The following CTNNA1 variants were observed in gnomAD, a reference collection of about 807,000 sequenced individuals.
CTNNA1 encodes catenin alpha-1.
A neutral mutation model predicts 98.4 loss-of-function variants in CTNNA1; 37 were observed. The ratio of observed to expected loss-of-function variants is 0.38; its 90% confidence interval spans 0.29 to 0.49. The LOEUF is 0.49. CTNNA1 is among the 20% of genes least tolerant of loss of function. The pLI, the probability that CTNNA1 is intolerant of heterozygous loss-of-function variation, is 0.95. For synonymous variants in CTNNA1, 404 were observed against 413.2 expected (o/e 0.98, Z 0.27); for missense variants, 761 against 1,147.2 (o/e 0.66, Z 4.86).
chr5:138,792,021 C>T (rs1459548335), intron 3 of CTNNA1, among the ~76,000 whole-genome samples: 1 of 151,820 alleles, frequency 6.6e-6, no homozygotes, highest in African/African-American at 2.4e-5. Flanking sequence ...TCTCTTAGGG[C>T]ATTGTTATAA....
At chr5:138,821,436 TA>T (rs201303442) in intron 5 of CTNNA1, among the ~76,000 whole-genome samples, 1 of 152,264 alleles carries the variant, frequency 6.6e-6, no homozygotes, top group Non-Finnish European at 1.5e-5. Context: ...CTTTTGTGAT[TA>T]TTTTTTTCTG....
chr5:138,892,233 T>C (rs975706739), intron 9 of CTNNA1, among the ~76,000 whole-genome samples: 2 of 151,560 alleles, frequency 1.3e-5, no homozygotes. Context: ...CTGAGACCTA[T>C]CTCAGATATT....
intron 7 of CTNNA1, among the ~76,000 whole-genome samples, chr5:138,852,871 G>GCGCGCGCACACACGCGCGCGCGCA (rs869240008): frequency 3.4e-4 from 52 of 151,358 alleles, no homozygotes; most frequent in African/African-American, 1.2e-3. Context: ...GCGCGCGCGC[G>GCGCGCGCACACACGCGCGCGCGCA]CACACACACA....
At chr5:138,826,832 C>T (rs901922281) in intron 6 of CTNNA1, among the ~76,000 whole-genome samples, 4 of 152,224 alleles carry the variant, frequency 2.6e-5, no homozygotes, top group Non-Finnish European at 5.9e-5. Flanking sequence ...AAGTCTTGCT[C>T]TGTTACCCAG....
At chr5:138,876,831 A>G (rs1263253751) in intron 7 of CTNNA1, among the ~76,000 whole-genome samples, 1 of 152,214 alleles carries the variant, frequency 6.6e-6, no homozygotes, top group Non-Finnish European at 1.5e-5. Context: ...TAAAGGTGCT[A>G]TGAAAACTGC....
At chr5:138,894,973 T>C (rs1756445307) in intron 9 of CTNNA1, among the ~76,000 whole-genome samples, 1 of 152,214 alleles carries the variant, frequency 6.6e-6, no homozygotes, top group Non-Finnish European at 1.5e-5. Flanking sequence ...CTAGCAGTCA[T>C]TTTTTCATTC....
chr5:138,917,925 A>G, intron 11 of CTNNA1, 27 bp downstream of exon 11: 1 of 1,607,254 alleles, frequency 6.2e-7, no homozygotes, highest in Middle Eastern at 1.7e-4. Context: ...CCAGAGAAGT[A>G]TGTGAAGATG....
At chr5:138,855,193 C>T (rs1441766700) in intron 7 of CTNNA1, among the ~76,000 whole-genome samples, 1 of 151,976 alleles carries the variant, frequency 6.6e-6, no homozygotes, top group Non-Finnish European at 1.5e-5. Flanking sequence ...TGCCTGCCAG[C>T]ACGCCCAGCT....
Position 138,783,360 on chromosome 5 carries a change from G to T in CTNNA1, c.289G>T (p.Val97Phe). Residue 97 changes from valine to phenylalanine, a missense_variant, in exon 3 of 18, where the codon GTT becomes TTT. Transcript: ENST00000302763. ...KEELVAAVED[V>F]RKQGDLMKAA... ...GGAGCTTGTGGCTGCTGTAGAAGAT[G>T]TTCGAAAACAAGGTAGGTCATTACT... The T allele has an allele frequency of 6.2e-7, 1 of 1,613,176 alleles. No homozygotes were observed. The highest frequency in any genetic ancestry group is 2.2e-5 in the East Asian group (1 of 44,864).
At chr5:138,925,056 C>T (rs1247616157) in intron 12 of CTNNA1, among the ~76,000 whole-genome samples, 200 bp from the exon 13 acceptor site, 1 of 152,252 alleles carries the variant, frequency 6.6e-6, no homozygotes, top group African/African-American at 2.4e-5. Flanking sequence ...ACCATCCAAT[C>T]TCTGTTGCAG....
chr5:138,833,095 A>G (rs574807335), intron 7 of CTNNA1, among the ~76,000 whole-genome samples: 21 of 152,350 alleles, frequency 1.4e-4, no homozygotes, highest in African/African-American at 2.4e-4. Context: ...TGACTCCTCA[A>G]TGAACAAATA....
chr5:138,778,560 A>G (rs1408951843), intron 1 of CTNNA1, among the ~76,000 whole-genome samples: 1 of 152,198 alleles, frequency 6.6e-6, no homozygotes, highest in Non-Finnish European at 1.5e-5. Context: ...TCTGTCATAA[A>G]TAAATAATCT....
chr5:138,824,881 C>A (rs2149777103), intron 6 of CTNNA1, 82 bp downstream of exon 6: 2 of 1,313,198 alleles, frequency 1.5e-6, no homozygotes, highest in Non-Finnish European at 1.1e-6. Flanking sequence ...GTGATCAAGG[C>A]TTCTGATGAT....
chr5:138,808,018 T>C (rs1758277915), intron 3 of CTNNA1, among the ~76,000 whole-genome samples: 1 of 152,174 alleles, frequency 6.6e-6, no homozygotes. Flanking sequence ...CCCAAAGTGC[T>C]GGGATTACAG....
At chr5:138,757,033 T>TA (rs879499200) in intron 1 of CTNNA1, among the ~76,000 whole-genome samples, 320 of 142,552 alleles carry the variant, frequency 2.2e-3, no homozygotes, top group South Asian at 3.4e-3. Flanking sequence ...ACCCCGCCTC[T>TA]AAAAAAAAAA....
At chr5:138,931,010 G>A in intron 16 of CTNNA1, 75 bp downstream of exon 16, 1 of 941,872 alleles carries the variant, frequency 1.1e-6, no homozygotes, top group South Asian at 1.3e-5. Flanking sequence ...TCCATTCAGG[G>A]TAAGTTTCAT....
rs1752564935 is a variant in CTNNA1, at chr5:138,763,278, A to C, written c.-3+9768A>C. 3.3e-5 allele frequency among the ~76,000 whole-genome samples: 5 copies of C among 152,242 alleles called. No homozygotes were observed. In the South Asian group the frequency reaches 1.0e-3, roughly 31 times the overall value. On this transcript the variant is annotated intron_variant, in intron 1 of 17. Transcript: ENST00000302763. ...ATTCACTATGGCCCATTTCAAGTTA[A>C]TTGAAGGATTGAGCCTTTGATAGTG...
chr5:138,866,647 T>C (rs1428517772), intron 7 of CTNNA1, among the ~76,000 whole-genome samples: 1 of 152,132 alleles, frequency 6.6e-6, no homozygotes, highest in East Asian at 1.9e-4. Context: ...TCAGCCTCCA[T>C]ATATAGAGGG....
chr5:138,857,918 T>C (rs1763871329), intron 7 of CTNNA1, among the ~76,000 whole-genome samples: 1 of 152,196 alleles, frequency 6.6e-6, no homozygotes, highest in Non-Finnish European at 1.5e-5. Context: ...ATTACGCATG[T>C]AGGGAAGCTG....
Sources: allele counts gnomAD v4.1 joint callset (sites outside exome capture counted in the v4.1 genomes callset), GRCh38; gene constraint gnomAD v4.1.1; transcripts MANE v1.5; gene names NCBI Gene and HGNC (gene_info 2026-07-23, HGNC 2026-07-21).